BBOX1: variants seen among roughly 807,000 people sequenced by gnomAD.
BBOX1 encodes gamma-butyrobetaine hydroxylase 1, also known as gamma-butyrobetaine dioxygenase.
A neutral mutation model predicts 41.6 loss-of-function variants in BBOX1; 35 were observed. The observed-to-expected ratio is 0.84, with a 90% confidence interval of 0.64 to 1.11. The LOEUF is 1.11. Among genes scored for constraint, BBOX1 ranks in the 50% most tolerant of loss-of-function variants. The pLI is 0.00. For synonymous variants in BBOX1, 163 were observed against 154.7 expected, an observed-to-expected ratio of 1.05 and a Z score of -0.40; for missense variants, 458 against 460.6, an observed-to-expected ratio of 0.99 and a Z score of 0.05.
chr11:27,097,051 A>G (rs1271210248), intron 5 of BBOX1, among the ~76,000 whole-genome samples: 2 of 152,162 alleles, frequency 1.3e-5, no homozygotes, highest in Non-Finnish European at 2.9e-5. Context: ...ATACTTTCCT[A>G]GGACAAAAGA....
At chr11:27,080,657 T>C (rs374173620) in intron 4 of BBOX1, among the ~76,000 whole-genome samples, 3 of 152,230 alleles carry the variant, frequency 2.0e-5, no homozygotes, top group East Asian at 3.9e-4. Context: ...GGCAGGTTGA[T>C]GGATGTGGTG....
intron 5 of BBOX1, among the ~76,000 whole-genome samples, chr11:27,098,054 C>G (rs966870719): frequency 6.6e-6 from 1 of 151,940 alleles, no homozygotes; most frequent in South Asian, 2.1e-4. Context: ...TCCTGCTTAA[C>G]CTTTTGTTTG....
At chr11:27,099,639 C>G (rs1442924) in intron 5 of BBOX1, among the ~76,000 whole-genome samples, 144,204 of 152,164 alleles carry the variant, frequency 0.95, 68,442 homozygotes, top group African/African-American at 0.98. Context: ...ACGTCCTTGA[C>G]AGCTGCTCAT....
chr11:27,049,261 T>C (rs1054903189), intron 2 of BBOX1, among the ~76,000 whole-genome samples: 1 of 152,090 alleles, frequency 6.6e-6, no homozygotes, highest in African/African-American at 2.4e-5. Flanking sequence ...TTTTTGACAA[T>C]AGTCATTCTA....
chr11:27,099,606 C>T (rs1483706994), intron 5 of BBOX1, among the ~76,000 whole-genome samples: 4 of 151,962 alleles, frequency 2.6e-5, no homozygotes, highest in South Asian at 4.1e-4. Flanking sequence ...GGACCCAGTG[C>T]CCCCCAGCAT....
At chr11:27,097,139 C>T (rs1284133162) in intron 5 of BBOX1, among the ~76,000 whole-genome samples, 1 of 151,882 alleles carries the variant, frequency 6.6e-6, no homozygotes, top group Non-Finnish European at 1.5e-5. Context: ...AAAAAGACAA[C>T]CTTTCGAGAA....
chr11:27,095,514 T>C (rs1050364534), intron 5 of BBOX1, among the ~76,000 whole-genome samples: 2 of 152,020 alleles, frequency 1.3e-5, no homozygotes, highest in Admixed American at 1.3e-4. Flanking sequence ...CCATGTCCCT[T>C]ATGGGCCTTG....
At chr11:27,055,852 C>T (rs1474166429) in intron 3 of BBOX1, among the ~76,000 whole-genome samples, 2 of 152,132 alleles carry the variant, frequency 1.3e-5, no homozygotes, top group Non-Finnish European at 2.9e-5. Context: ...ATTACTACTA[C>T]TATTTTTAAT....
intron 4 of BBOX1, among the ~76,000 whole-genome samples, chr11:27,090,631 C>T (rs1858210383): frequency 6.6e-6 from 1 of 151,860 alleles, no homozygotes; most frequent in Non-Finnish European, 1.5e-5. Context: ...GGATAAACAT[C>T]TTAAACAACA....
chr11:27,073,922 G>A (rs1028673766), intron 4 of BBOX1, among the ~76,000 whole-genome samples: 1 of 151,976 alleles, frequency 6.6e-6, no homozygotes, highest in African/African-American at 2.4e-5. Context: ...GTGGGGTGGG[G>A]GTAAGGGGGA....
chr11:27,057,022 C>T (rs555379843), intron 3 of BBOX1, among the ~76,000 whole-genome samples, 179 bp from the exon 4 acceptor site: 4 of 127,328 alleles, frequency 3.1e-5, no homozygotes, highest in Admixed American at 9.8e-5. Context: ...GCCGAGATTG[C>T]GCCACTGCAC....
intron 4 of BBOX1, among the ~76,000 whole-genome samples, chr11:27,090,795 C>T (rs767819936): frequency 1.8e-4 from 27 of 151,906 alleles, no homozygotes; most frequent in Non-Finnish European, 3.1e-4. Flanking sequence ...CCAGAGCAGC[C>T]GTTTATAGAC....
chr11:27,066,798 C>CAATTT (rs1407161727), intron 4 of BBOX1: 1 of 151,912 alleles, frequency 6.6e-6, no homozygotes, highest in Admixed American at 6.6e-5. Context: ...ATTGATTTGC[C>CAATTT]TAATTTCTGG....
intron 7 of BBOX1, among the ~76,000 whole-genome samples, chr11:27,121,078 T>C (rs796980561): frequency 9.2e-5 from 14 of 152,244 alleles, no homozygotes; most frequent in African/African-American, 3.4e-4. Flanking sequence ...GGACGGAAAT[T>C]GCATTATTAA....
chr11:27,062,174 G>GA (rs1857148969), intron 4 of BBOX1, among the ~76,000 whole-genome samples: 1 of 152,168 alleles, frequency 6.6e-6, no homozygotes, highest in South Asian at 2.1e-4. Flanking sequence ...AAGGCAGGCA[G>GA]AAAATCATCA....
intron 5 of BBOX1, among the ~76,000 whole-genome samples, chr11:27,107,487 A>G (rs1204929912): frequency 6.6e-6 from 1 of 152,130 alleles, no homozygotes; most frequent in Non-Finnish European, 1.5e-5. Flanking sequence ...AAACAAGTCT[A>G]TACCATTGGA....
In BBOX1 at chr11:27,057,286, C is replaced by T. The variant is rs1857015497; in HGVS notation, c.305C>T (p.Ala102Val). The part of the protein sequence containing the change: ...KKRCFSKQAR[A>V]KLQRELFFPE... ...AGATGCTTTTCCAAGCAGGCCAGAGCAAAGCTCCAAAGAGAATTGTTTTTT... is the reference window on the plus strand; with the variant it reads ...AGATGCTTTTCCAAGCAGGCCAGAGTAAAGCTCCAAAGAGAATTGTTTTTT... The change falls in exon 4 of 9, where the codon GCA becomes GTA. Residue 102 changes from alanine to valine, a missense_variant. Transcript: ENST00000263182. 3 of 1,611,732 alleles carry T rather than the reference C, an allele frequency of 1.9e-6. No homozygotes were observed. The highest frequency in any genetic ancestry group is 2.5e-6 in the Non-Finnish European group (3 of 1,179,232).
intron 5 of BBOX1, among the ~76,000 whole-genome samples, chr11:27,106,460 C>A (rs1380281086): frequency 6.6e-6 from 1 of 152,124 alleles, no homozygotes; most frequent in Non-Finnish European, 1.5e-5. Context: ...ATAAAACAGA[C>A]TTTAAAACAG....
At chr11:27,119,399 C>T (rs1859381879) in intron 6 of BBOX1, among the ~76,000 whole-genome samples, 1 of 151,874 alleles carries the variant, frequency 6.6e-6, no homozygotes, top group Admixed American at 6.6e-5. Context: ...TCAACTGTAA[C>T]ATGTTTGAAC....
Sources: gnomAD v4.1 joint callset for allele counts (sites outside exome capture counted in the v4.1 genomes callset) on GRCh38, gnomAD v4.1.1 for gene constraint, MANE v1.5 for transcripts, NCBI Gene and HGNC (gene_info 2026-07-23, HGNC 2026-07-21) for gene names.